LUC7L3: variants seen among roughly 807,000 people sequenced by gnomAD.
LUC7L3 encodes luc7-like protein 3.
In LUC7L3, 6 loss-of-function variants were observed where a neutral mutation model predicts 66.8. The ratio of observed to expected loss-of-function variants is 0.09; its 90% CI spans 0.05 to 0.18. The LOEUF (loss-of-function observed/expected upper bound fraction) is 0.18, where lower values mean the gene tolerates loss of function less well. Ranked by LOEUF, LUC7L3 falls within the 10% of genes least tolerant of loss-of-function variation. The pLI, the probability that LUC7L3 is intolerant of heterozygous loss-of-function variation, is 1.00. For missense variants in LUC7L3, 341 were observed against 531.1 expected (o/e 0.64, Z 3.52); for synonymous variants, 160 against 174.7 (o/e 0.92, Z 0.66).
chr17:50,727,652 A>G (rs1217184658), intron 1 of LUC7L3, among the ~76,000 whole-genome samples: 3 of 152,234 alleles, frequency 2.0e-5, no homozygotes, highest in African/African-American at 7.2e-5. Flanking sequence ...AAGGATTGGC[A>G]GGAATTAGCC....
At chr17:50,728,255 A>G (rs1221594405) in intron 1 of LUC7L3, among the ~76,000 whole-genome samples, 1 of 152,238 alleles carries the variant, frequency 6.6e-6, no homozygotes, top group Admixed American at 6.5e-5. Flanking sequence ...AAATTTTACT[A>G]GAAGTTTGTG....
chr17:50,743,429 T>C (rs7207638), intron 5 of LUC7L3, among the ~76,000 whole-genome samples: 90,098 of 151,760 alleles, frequency 0.59, 27,499 homozygotes, highest in African/African-American at 0.72. Flanking sequence ...TGGTCTTGAA[T>C]TCCTGACCTC....
intron 1 of LUC7L3, among the ~76,000 whole-genome samples, chr17:50,729,894 CATTATATATATATA>C (rs1969447590): frequency 1.9e-5 from 2 of 103,288 alleles, no homozygotes; most frequent in Admixed American, 1.2e-4. Flanking sequence ...AATATAAATA[CATTATATATATATA>C]TATATATATA....
Position 50,719,656 on chromosome 17 carries a change from A to G in LUC7L3, c.-77A>G. 1.6e-6 allele frequency: 2 copies of G among 1,240,098 alleles called. No homozygotes were observed. Among genetic ancestry groups the G allele is most frequent in the Non-Finnish European group, 2.3e-6 (2 of 862,240 alleles). The allele number at this position is 1,240,098 out of a possible 1,614,324, so 76.8% of individuals were successfully genotyped here. On this transcript the variant is annotated 5_prime_UTR_variant, in exon 1 of 10. Transcript: ENST00000505658. Reference sequence around the variant, plus strand: ...ATTTCGGCCTGAGAGCGGGCCGAGGAGATTGGCGACGGTGTCGCCCGTGTT... The same window carrying G: ...ATTTCGGCCTGAGAGCGGGCCGAGGGGATTGGCGACGGTGTCGCCCGTGTT...
At chr17:50,727,076 G>A (rs117086962) in intron 1 of LUC7L3, among the ~76,000 whole-genome samples, 9,684 of 151,888 alleles carry the variant, frequency 0.064, 356 homozygotes, top group Non-Finnish European at 0.082. Context: ...CTGACAGAGC[G>A]AGACTTTGTC....
At chr17:50,746,083 G>T in intron 8 of LUC7L3, 80 bp downstream of exon 8, 1 of 1,461,026 alleles carries the variant, frequency 6.8e-7, no homozygotes, top group Non-Finnish European at 9.0e-7. Flanking sequence ...TTATTCCTTG[G>T]AATGGTACTT....
intron 1 of LUC7L3, among the ~76,000 whole-genome samples, chr17:50,733,248 G>GTTTT (rs57619229): frequency 3.7e-4 from 54 of 144,448 alleles, no homozygotes; most frequent in African/African-American, 7.1e-4. Context: ...GTAAAACTTT[G>GTTTT]TTTTTTTTTT....
chr17:50,735,155 A>C (rs1020095367), intron 1 of LUC7L3, among the ~76,000 whole-genome samples: 1 of 151,222 alleles, frequency 6.6e-6, no homozygotes, highest in Non-Finnish European at 1.5e-5. Flanking sequence ...GCCTGAGCCC[A>C]GGAGGGAGAG....
At chr17:50,719,907 C>T in intron 1 of LUC7L3, 76 bp downstream of exon 1, 2 of 1,405,292 alleles carry the variant, frequency 1.4e-6, no homozygotes, top group Non-Finnish European at 1.9e-6. Flanking sequence ...GCCCTCCTGG[C>T]CGCGGCGCGA....
chr17:50,741,763 A>G, intron 5 of LUC7L3, 32 bp downstream of exon 5: 3 of 1,530,986 alleles, frequency 2.0e-6, no homozygotes, highest in Non-Finnish European at 2.7e-6. Context: ...GTCAGGAAGT[A>G]ATGTGAAACA....
At chr17:50,746,514 A>G (rs751135401) in intron 8 of LUC7L3, 28 bp from the exon 9 acceptor site, 1 of 1,603,202 alleles carries the variant, frequency 6.2e-7, no homozygotes, top group African/African-American at 1.4e-5. Flanking sequence ...TACTGGCTGA[A>G]GTTGCCTTTT....
rs145051295 is a variant in LUC7L3 at position 50,741,053 on chromosome 17, A to G, written c.207-49A>G. On this transcript the variant is annotated intron_variant, in intron 3 of 9. Coordinates refer to ENST00000505658, the MANE Select transcript of LUC7L3 (RefSeq NM_016424.5). ...AGTTAAGATAGAATATTTGAGTTGT[A>G]ATGGCTGAAGATTTGGAAATGAGTA... 8.3e-4 allele frequency: 1,319 copies of G among 1,583,870 alleles called. 7 individuals carry two copies. The African/African-American group carries it at 0.012, about 15-fold the overall frequency.
intron 1 of LUC7L3, among the ~76,000 whole-genome samples, chr17:50,730,989 T>C (rs1969569636): frequency 6.6e-6 from 1 of 152,118 alleles, no homozygotes; most frequent in South Asian, 2.1e-4. Flanking sequence ...TTGTCACTAG[T>C]GTTGCCTTAA....
chr17:50,732,557 ATTCTT>A (rs1321405325), intron 1 of LUC7L3, among the ~76,000 whole-genome samples: 2 of 117,778 alleles, frequency 1.7e-5, no homozygotes, highest in Admixed American at 1.7e-4. Context: ...AATTTTTTTC[ATTCTT>A]TTTTTTTTTT....
chr17:50,724,169 T>A, intron 1 of LUC7L3: 1 of 267,158 alleles, frequency 3.7e-6, no homozygotes, highest in South Asian at 2.9e-5. Context: ...TTGAAGCAAT[T>A]CTGTTATTGT....
Position 50,751,325 on chromosome 17 carries a change from G to A in LUC7L3, c.*664G>A, listed in dbSNP as rs1297721393. On this transcript the variant is annotated 3_prime_UTR_variant, in exon 10 of 10. Transcript: ENST00000505658. The stretch of plus-strand genomic sequence containing the variant: ...TGGTGTTGTGAGCGGCCCATGAAAA[G>A]CCAAATTAAAAATCAAGGATTCAGT... The A allele has an allele frequency of 7.7e-7, 1 of 1,302,098 alleles. No homozygotes were observed. 80.7% of individuals were successfully genotyped at this position (1,302,098 alleles called of 1,614,324 possible). A position where few individuals can be genotyped will look rare whatever the true frequency, so the allele number is the denominator to read the frequency against.
chr17:50,741,853 G>A (rs1009939519), intron 5 of LUC7L3, 122 bp downstream of exon 5: 29 of 671,480 alleles, frequency 4.3e-5, no homozygotes, highest in Non-Finnish European at 6.8e-5. Context: ...GGGAGGCCGA[G>A]GCGGGAGGAT....
At chr17:50,743,028 A>G (rs1970443981) in intron 5 of LUC7L3, among the ~76,000 whole-genome samples, 1 of 152,178 alleles carries the variant, frequency 6.6e-6, no homozygotes, top group African/African-American at 2.4e-5. Context: ...ATATTAACCT[A>G]CAGTGACAGA....
intron 1 of LUC7L3, among the ~76,000 whole-genome samples, chr17:50,735,266 C>G (rs183975159): frequency 6.7e-6 from 1 of 150,078 alleles, no homozygotes; most frequent in Non-Finnish European, 1.5e-5. Flanking sequence ...ACTTTCGTGT[C>G]TGTGAGGTTG....
Sources: allele counts gnomAD v4.1 joint callset (sites outside exome capture counted in the v4.1 genomes callset), GRCh38; gene constraint gnomAD v4.1.1; transcripts MANE v1.5; gene names NCBI Gene and HGNC (gene_info 2026-07-23, HGNC 2026-07-21).